The following ERICH3 variants were observed in gnomAD, a reference collection of about 807,000 sequenced individuals.
ERICH3 encodes the protein glutamate rich 3.
A neutral mutation model predicts 131.1 loss-of-function variants in ERICH3; 126 were observed. That is an observed-to-expected ratio of 0.96 (90% CI 0.83 to 1.11). The LOEUF (loss-of-function observed/expected upper bound fraction) is 1.11, where lower values mean the gene tolerates loss of function less well. ERICH3 is among the 50% of genes most tolerant of loss of function. The pLI is 0.00. For missense variants in ERICH3, 2,050 were observed against 1,810.7 expected (o/e 1.13, Z -2.40); for synonymous variants, 695 against 644.6 (o/e 1.08, Z -1.18).
At chr1:74,574,722 T>A (rs1349702757) in intron 13 of ERICH3, among the ~76,000 whole-genome samples, 1 of 152,236 alleles carries the variant, frequency 6.6e-6, no homozygotes, top group Admixed American at 6.5e-5. Flanking sequence ...ATAGGTTTGA[T>A]ATGTTTTTAA....
intron 11 of ERICH3, 87 bp downstream of exon 11, chr1:74,599,605 AGAG>A: frequency 9.1e-7 from 1 of 1,100,680 alleles, no homozygotes; most frequent in South Asian, 1.6e-5. Flanking sequence ...GAGAAAAAAA[AGAG>A]GATTATCTCA....
intron 1 of ERICH3, among the ~76,000 whole-genome samples, chr1:74,650,177 A>T (rs1646520611): frequency 6.6e-6 from 1 of 152,156 alleles, no homozygotes; most frequent in Non-Finnish European, 1.5e-5. Flanking sequence ...CCTTATATAT[A>T]TCTAGACATT....
intron 9 of ERICH3, among the ~76,000 whole-genome samples, chr1:74,607,671 G>A (rs1239931366): frequency 6.6e-6 from 1 of 151,802 alleles, no homozygotes; most frequent in Non-Finnish European, 1.5e-5. Flanking sequence ...AGGTTATGAA[G>A]TCATTCCAAG....
In ERICH3 at chr1:74,572,659, G is replaced by C. The variant is rs1267002592; in HGVS notation, c.3051C>G (p.Ser1017Arg). 40 of 1,613,590 alleles carry C rather than the reference G, an allele frequency of 2.5e-5. No individual in the cohort carries two copies. Among genetic ancestry groups the C allele is most frequent in the Non-Finnish European group, 3.1e-5 (37 of 1,179,948 alleles). The change falls in exon 14 of 15, where the codon AGC (serine) becomes AGG (arginine). Residue 1017 changes from serine to arginine, a missense_variant. Transcript: ENST00000326665. ...QVSEGSPEEG[S>R]LAKEAFLCKE... ...TGCAAAGGAAGGCTTCCTTTGCAAG[G>C]CTTCCTTCCTCAGGGCTGCCCTCCG...
intron 11 of ERICH3, among the ~76,000 whole-genome samples, chr1:74,594,522 G>A (rs971825971): frequency 7.9e-5 from 12 of 152,146 alleles, no homozygotes; most frequent in Non-Finnish European, 7.4e-5. Flanking sequence ...TACATATCGA[G>A]AACTTCCTAT....
chr1:74,637,890 C>G (rs1646405426), intron 5 of ERICH3, among the ~76,000 whole-genome samples: 1 of 150,400 alleles, frequency 6.6e-6, no homozygotes, highest in Non-Finnish European at 1.5e-5. Flanking sequence ...CAGCCTGGGC[C>G]ACAGAGTGGG....
chr1:74,630,314 G>A (rs61778101), intron 7 of ERICH3, among the ~76,000 whole-genome samples: 13,684 of 152,164 alleles, frequency 0.09, 831 homozygotes, highest in Non-Finnish European at 0.13. Flanking sequence ...CCAAATATTC[G>A]CTGCCCTTTT....
At chr1:74,637,590 T>G (rs1646400682) in intron 5 of ERICH3, among the ~76,000 whole-genome samples, 1 of 152,270 alleles carries the variant, frequency 6.6e-6, no homozygotes, top group East Asian at 1.9e-4. Context: ...GAAGTGCTTT[T>G]GGGGCATTGA....
intron 2 of ERICH3, among the ~76,000 whole-genome samples, chr1:74,648,318 A>T (rs1328499140): frequency 6.6e-6 from 1 of 152,176 alleles, no homozygotes. Context: ...TTTATTGCAC[A>T]TCTCTAACTG....
chr1:74,668,325 C>G (rs1273197975), intron 1 of ERICH3, among the ~76,000 whole-genome samples: 1 of 152,128 alleles, frequency 6.6e-6, no homozygotes, highest in Non-Finnish European at 1.5e-5. Context: ...CTCTCTTCAT[C>G]TGGTGGTCTT....
At chr1:74,590,565 T>G (rs1022371711) in intron 11 of ERICH3, among the ~76,000 whole-genome samples, 28 of 152,202 alleles carry the variant, frequency 1.8e-4, no homozygotes, top group African/African-American at 5.5e-4. Context: ...TTTCTGCTCC[T>G]ATGAGGATCT....
intron 6 of ERICH3, among the ~76,000 whole-genome samples, chr1:74,632,619 TA>T (rs1180803687): frequency 6.6e-6 from 1 of 151,872 alleles, no homozygotes; most frequent in African/African-American, 2.4e-5. Context: ...TAACATCATA[TA>T]AGTCCATCAA....
In ERICH3 at chr1:74,606,985, T is replaced by G; in HGVS notation, c.1188-83A>C. On this transcript the variant is annotated intron_variant, in intron 9 of 14. Transcript: ENST00000326665. ...CTCAAAGCTTTTGAAAGCACTTATC[T>G]CTTATTCCAGTAAAAAAAGACACAA... 5.5e-6 allele frequency: 7 copies of G among 1,268,472 alleles called. No homozygotes were observed. In the South Asian group the frequency reaches 1.1e-4, roughly 20 times the overall value. 78.6% of individuals were successfully genotyped at this position (1,268,472 alleles called of 1,614,324 possible).
chr1:74,634,810 G>A (rs1646373844), intron 6 of ERICH3: 3 of 607,406 alleles, frequency 4.9e-6, no homozygotes, highest in Non-Finnish European at 8.9e-6. Flanking sequence ...TGAGTTTTCT[G>A]GTACCTTTGG....
rs148808040 is a variant in ERICH3, at chr1:74,571,426, C to T, written c.4284G>A (p.Glu1428=). ...GGGCTCCTGGAGTGCCCACCCCAGCCTCTGTTGTATATGTCACTGTCATCT... is the reference window on the plus strand; with the variant it reads ...GGGCTCCTGGAGTGCCCACCCCAGCTTCTGTTGTATATGTCACTGTCATCT... ...AEEMTVTYTT[E]AGVGTPGALE... is the part of the protein sequence containing the mutation. Residue 1428 remains glutamate, a synonymous_variant, in exon 14 of 15, where the codon GAG becomes GAA. Transcript: ENST00000326665. The T allele has an allele frequency of 1.5e-5, 24 of 1,614,058 alleles. 1 individual carries two copies. In the African/African-American group the frequency reaches 2.9e-4, roughly 20 times the overall value.
At chr1:74,629,040 A>T (rs1649505447) in intron 7 of ERICH3, among the ~76,000 whole-genome samples, 1 of 152,132 alleles carries the variant, frequency 6.6e-6, no homozygotes, top group African/African-American at 2.4e-5. Context: ...CATTTAAAGG[A>T]TATTATTCTT....
chr1:74,668,394 C>A (rs968333385), intron 1 of ERICH3, among the ~76,000 whole-genome samples: 1 of 152,140 alleles, frequency 6.6e-6, no homozygotes, highest in African/African-American at 2.4e-5. Context: ...TGAAGTATTG[C>A]ACAGGTATTG....
In ERICH3 at chr1:74,608,635, C is replaced by T. The variant is rs117182949; in HGVS notation, c.1188-1733G>A. ...TATCACTTAACTTTTCAATATCTCC[C>T]CACAAAATAAAGCTAGAAGGATTTG... On this transcript the variant is annotated intron_variant, in intron 9 of 14. Transcript: ENST00000326665. 7.9e-5 allele frequency among the ~76,000 whole-genome samples: 12 copies of T among 152,070 alleles called. No individual in the cohort carries two copies. In the East Asian group the frequency reaches 2.3e-3, roughly 29 times the overall value.
rs79836813 is a variant in ERICH3 at position 74,636,559 on chromosome 1, A to G, written c.445-121T>C. The G allele has an allele frequency of 7.1e-3, 6,793 of 959,784 alleles. 310 individuals are homozygous for G. The African/African-American group carries it at 0.099, about 14-fold the overall frequency. 59.5% of individuals were successfully genotyped at this position (959,784 alleles called of 1,614,324 possible). The stretch of plus-strand genomic sequence containing the variant: ...GGTGCCTTTTTACTGAACAGATTAA[A>G]CTTTAATTATGTCCTTCCATTATAC... On this transcript the variant is annotated intron_variant, in intron 5 of 14. Coordinates refer to ENST00000326665, the MANE Select transcript of ERICH3 (RefSeq NM_001002912.5).
Sources: gnomAD v4.1 joint callset for allele counts (sites outside exome capture counted in the v4.1 genomes callset) on GRCh38, gnomAD v4.1.1 for gene constraint, MANE v1.5 for transcripts, NCBI Gene and HGNC (gene_info 2026-07-23, HGNC 2026-07-21) for gene names.